The following DMD variants were observed in gnomAD, a reference collection of about 807,000 sequenced individuals.
DMD encodes the protein dystrophin, also known as mutant dystrophin.
A neutral mutation model predicts 330.1 loss-of-function variants in DMD; 63 were observed. That is an observed-to-expected ratio of 0.19 (90% confidence interval 0.16 to 0.24). The LOEUF is 0.24. Ranked by LOEUF, DMD falls within the 10% of genes least tolerant of loss-of-function variation. DMD has a pLI of 1.00. For missense variants in DMD, 3,344 were observed against 2,684.1 expected (o/e 1.25, Z -5.43); for synonymous variants, 1,223 against 959.8 (o/e 1.27, Z -5.07).
chrX:31,987,643 C>T (rs758668779), intron 44 of DMD, among the ~76,000 whole-genome samples: 2 of 112,011 alleles, frequency 1.8e-5, no homozygotes, highest in African/African-American at 3.2e-5. Context: ...AATGAGATAT[C>T]ATCTCATTCC....
At chrX:32,291,239 A>G (rs1273276466) in intron 42 of DMD, among the ~76,000 whole-genome samples, 1 of 112,001 alleles carries the variant, frequency 8.9e-6, no homozygotes, top group Non-Finnish European at 1.9e-5. Context: ...TATATTTGAA[A>G]GTAGGAAAAT....
intron 9 of DMD, among the ~76,000 whole-genome samples, chrX:32,666,679 A>C (rs2061323396): frequency 9.1e-6 from 1 of 110,463 alleles, no homozygotes; most frequent in African/African-American, 3.3e-5. Flanking sequence ...AATAACAAAA[A>C]TTAGCCAGGC....
At chrX:31,708,516 G>GT (rs2084367063) in intron 52 of DMD, among the ~76,000 whole-genome samples, 1 of 111,611 alleles carries the variant, frequency 9.0e-6, no homozygotes, top group Admixed American at 9.5e-5. Flanking sequence ...GGTTTTCTCT[G>GT]TTTTTTACAA....
chrX:31,310,716 AT>A lies in DMD; in HGVS notation c.9224+12881del, dbSNP rs1230035132. 7.5e-3 allele frequency among the ~76,000 whole-genome samples: 628 copies of A among 84,269 alleles called. 1 individual carries two copies. Among genetic ancestry groups the A allele is most frequent in the Middle Eastern group, 0.018 (3 of 163 alleles). 73.2% of individuals were successfully genotyped at this position (84,269 alleles called of 115,157 possible). ...ACAAGCACATGCCACCATGCCAAGG[AT>A]TTTTTTTTTTTTTTTTTTGTAGAGA... On this transcript the variant is annotated intron_variant, in intron 62 of 78. Coordinates refer to ENST00000357033, the MANE Select transcript of DMD (RefSeq NM_004006.3).
chrX:32,960,936 A>G (rs2091863500), intron 2 of DMD, among the ~76,000 whole-genome samples: 1 of 107,858 alleles, frequency 9.3e-6, no homozygotes. Flanking sequence ...AAAAAAAAAA[A>G]AAGGTCAATT....
At chrX:32,977,066 C>T (rs1039833300) in intron 2 of DMD, among the ~76,000 whole-genome samples, 2 of 111,159 alleles carry the variant, frequency 1.8e-5, no homozygotes, top group African/African-American at 6.5e-5. Context: ...CAAGGTGGGG[C>T]GGATCGCTTG....
At chrX:31,610,039 GTCTC>G (rs939710614) in intron 55 of DMD, among the ~76,000 whole-genome samples, 1 of 108,624 alleles carries the variant, frequency 9.2e-6, no homozygotes, top group African/African-American at 3.3e-5. Flanking sequence ...CTCTCTCTCT[GTCTC>G]TCTCTCTCCC....
At chrX:32,415,818 T>C (rs1408802369) in intron 29 of DMD, among the ~76,000 whole-genome samples, 1 of 112,214 alleles carries the variant, frequency 8.9e-6, no homozygotes, top group Non-Finnish European at 1.9e-5. Context: ...AAACACATAA[T>C]ATATTTTAAC....
At chrX:32,756,026 A>C (rs776524915) in intron 7 of DMD, 1 of 112,601 alleles carries the variant, frequency 8.9e-6, no homozygotes, top group African/African-American at 3.2e-5. Flanking sequence ...CTATTCAATA[A>C]TTAATGTGCT....
Position 32,875,287 on chromosome X carries a change from C to T in DMD, c.94-25467G>A, listed in dbSNP as rs781403215. Reference sequence around the variant, plus strand: ...TAACAGATTACACCCTGTCTCCCAGCACTCAGTCTCTTCTTAGTTACACCT... The same window carrying T: ...TAACAGATTACACCCTGTCTCCCAGTACTCAGTCTCTTCTTAGTTACACCT... On this transcript the variant is annotated intron_variant, in intron 2 of 78. Transcript: ENST00000357033. Among the ~76,000 whole-genome samples, 4 of 111,837 alleles carry T rather than the reference C, an allele frequency of 3.6e-5. No individual in the cohort carries two copies. The East Asian group carries it at 1.1e-3, about 32-fold the overall frequency.
At chrX:31,612,336 A>G (rs1336262496) in intron 55 of DMD, among the ~76,000 whole-genome samples, 2 of 112,036 alleles carry the variant, frequency 1.8e-5, no homozygotes, top group African/African-American at 6.5e-5. Context: ...CTTGTTCAAG[A>G]TGATGTTCTG....
chrX:32,938,327 T>C lies in DMD; in HGVS notation c.93+81812A>G, dbSNP rs747526975. On this transcript the variant is annotated intron_variant, in intron 2 of 78. Transcript: ENST00000357033. Reference sequence around the variant, plus strand: ...GTAAAAATATGAGCAGTTCATAAAATAACCTGTGATAGTCCAGATTACTTG... The same window carrying C: ...GTAAAAATATGAGCAGTTCATAAAACAACCTGTGATAGTCCAGATTACTTG... Among the ~76,000 whole-genome samples the C allele has an allele frequency of 7.1e-5, 8 of 111,952 alleles. No individual in the cohort carries two copies. The South Asian group carries it at 3.0e-3, about 42-fold the overall frequency.
intron 18 of DMD, among the ~76,000 whole-genome samples, chrX:32,510,490 T>C (rs981402316): frequency 3.6e-5 from 4 of 112,022 alleles, no homozygotes; most frequent in Admixed American, 1.9e-4. Flanking sequence ...CATTTCCATC[T>C]TTCCCACTAG....
intron 40 of DMD, 48 bp from the exon 41 acceptor site, chrX:32,342,330 T>A: frequency 8.6e-7 from 1 of 1,167,740 alleles, no homozygotes. Flanking sequence ...GCTAACCACA[T>A]CAACCGACTT....
intron 16 of DMD, among the ~76,000 whole-genome samples, chrX:32,555,010 A>G (rs2050145052): frequency 9.2e-6 from 1 of 108,899 alleles, no homozygotes; most frequent in African/African-American, 3.3e-5. Context: ...AAAGAAAAGC[A>G]AACTTCAGGC....
chrX:31,377,899 T>C (rs143735596), intron 60 of DMD, among the ~76,000 whole-genome samples: 19,161 of 110,678 alleles, frequency 0.17, 2,328 homozygotes, highest in African/African-American at 0.42. Flanking sequence ...CCTTAACTGA[T>C]GACATTACCT....
chrX:32,724,802 T>A (rs946223144), intron 7 of DMD, among the ~76,000 whole-genome samples: 35 of 112,122 alleles, frequency 3.1e-4, no homozygotes, highest in African/African-American at 1.1e-3. Context: ...TTTCAGCTCT[T>A]TTTCTCATCA....
intron 1 of DMD, among the ~76,000 whole-genome samples, chrX:33,070,673 C>CTCTCTCTCTCTCTCTCTCTCTCTCTATA: frequency 2.8e-5 from 1 of 35,640 alleles, no homozygotes; most frequent in South Asian, 2.8e-3. Context: ...CTCTCTCTCT[C>CTCTCTCTCTCTCTCTCTCTCTCTCTATA]TATATATATA....
chrX:31,427,111 CT>C (rs1177952414), intron 60 of DMD, among the ~76,000 whole-genome samples: 1 of 111,584 alleles, frequency 9.0e-6, no homozygotes, highest in African/African-American at 3.3e-5. Flanking sequence ...TTCATCTCCC[CT>C]AATTACATGT....
Sources: gnomAD v4.1 joint callset for allele counts (sites outside exome capture counted in the v4.1 genomes callset) on GRCh38, gnomAD v4.1.1 for gene constraint, MANE v1.5 for transcripts, NCBI Gene and HGNC (gene_info 2026-07-23, HGNC 2026-07-21) for gene names.